Variants in DACH1 observed in about 807,000 individuals in gnomAD.
DACH1 encodes dachshund homolog 1.
DACH1 carries 12 observed loss-of-function variants against 54.2 expected under a neutral mutation model. The ratio of observed to expected loss-of-function variants is 0.22; its 90% CI spans 0.14 to 0.36. DACH1 has a LOEUF of 0.36. Among genes scored for constraint, DACH1 ranks in the 10% least tolerant of loss-of-function variants. The pLI, the probability that DACH1 is intolerant of heterozygous loss-of-function variation, is 1.00. For missense variants in DACH1, 805 were observed against 929.8 expected (o/e 0.87, Z 1.75); for synonymous variants, 386 against 366.2 (o/e 1.05, Z -0.62).
At chr13:71,526,896 T>G (rs146601664) in intron 6 of DACH1, among the ~76,000 whole-genome samples, 1 of 151,832 alleles carries the variant, frequency 6.6e-6, no homozygotes, top group Admixed American at 6.6e-5. Context: ...AGCTGTCTCC[T>G]TCAGTGTCAG....
intron 2 of DACH1, among the ~76,000 whole-genome samples, chr13:71,667,574 T>C (rs987206476): frequency 1.3e-5 from 2 of 152,200 alleles, no homozygotes; most frequent in African/African-American, 4.8e-5. Context: ...ATACATATAG[T>C]ATTTTATTAT....
At chr13:71,859,457 A>C (rs1407019808) in intron 1 of DACH1, among the ~76,000 whole-genome samples, 1 of 151,774 alleles carries the variant, frequency 6.6e-6, no homozygotes, top group Non-Finnish European at 1.5e-5. Context: ...CTATTCATTA[A>C]ATTAATTTTA....
At chr13:71,676,872 T>C (rs990581919) in intron 2 of DACH1, among the ~76,000 whole-genome samples, 22 of 152,196 alleles carry the variant, frequency 1.4e-4, no homozygotes, top group African/African-American at 4.8e-5. Context: ...GTATTAGTTA[T>C]ATGTCTACAA....
chr13:71,543,630 G>A (rs1249806606), intron 6 of DACH1, among the ~76,000 whole-genome samples: 1 of 151,964 alleles, frequency 6.6e-6, no homozygotes, highest in African/African-American at 2.4e-5. Flanking sequence ...AATCTTGTGA[G>A]GTAAGTAGAT....
chr13:71,662,519 A>G (rs1879574669), intron 2 of DACH1, among the ~76,000 whole-genome samples: 2 of 152,016 alleles, frequency 1.3e-5, no homozygotes, highest in Admixed American at 1.3e-4. Context: ...ATCAGTATTA[A>G]ATGAGCTAAT....
intron 2 of DACH1, among the ~76,000 whole-genome samples, chr13:71,651,080 T>C (rs1454059582): frequency 6.6e-6 from 1 of 152,144 alleles, no homozygotes; most frequent in African/African-American, 2.4e-5. Flanking sequence ...AAAATACAGT[T>C]TTGGTAATCA....
At chr13:71,843,636 A>G (rs1407966298) in intron 1 of DACH1, among the ~76,000 whole-genome samples, 2 of 152,146 alleles carry the variant, frequency 1.3e-5, no homozygotes, top group African/African-American at 4.8e-5. Flanking sequence ...ATAGTACTCT[A>G]TGTTCCAAAT....
chr13:71,543,274 A>G (rs1006293732), intron 6 of DACH1, among the ~76,000 whole-genome samples: 12 of 152,116 alleles, frequency 7.9e-5, no homozygotes, highest in Non-Finnish European at 1.6e-4. Context: ...TGGAGGATAC[A>G]CTGGAATCAG....
chr13:71,737,683 G>C (rs1884200323), intron 1 of DACH1, among the ~76,000 whole-genome samples: 1 of 152,158 alleles, frequency 6.6e-6, no homozygotes, highest in Admixed American at 6.5e-5. Context: ...TAAATGGAAA[G>C]TCTGTGGGCA....
At chr13:71,830,035 T>C (rs1023453044) in intron 1 of DACH1, among the ~76,000 whole-genome samples, 1 of 151,890 alleles carries the variant, frequency 6.6e-6, no homozygotes, top group African/African-American at 2.4e-5. Context: ...AAATGATCAA[T>C]GATATGTTTT....
intron 1 of DACH1, among the ~76,000 whole-genome samples, chr13:71,853,122 T>C (rs938490728): frequency 2.6e-5 from 4 of 152,208 alleles, no homozygotes; most frequent in African/African-American, 9.7e-5. Context: ...GAAAAATTAA[T>C]TAATTTCTGA....
At chr13:71,485,453 T>C (rs1018989460) in intron 7 of DACH1, among the ~76,000 whole-genome samples, 3 of 149,950 alleles carry the variant, frequency 2.0e-5, no homozygotes, top group African/African-American at 4.8e-5. Context: ...TTTTTATATA[T>C]ATAAATTTTA....
chr13:71,471,381 A>C (rs1877057068), intron 10 of DACH1, among the ~76,000 whole-genome samples: 2 of 152,102 alleles, frequency 1.3e-5, no homozygotes, highest in African/African-American at 4.8e-5. Flanking sequence ...GACCAAATAA[A>C]AAGTTGGATA....
chr13:71,626,613 A>C (rs887543202), intron 3 of DACH1, among the ~76,000 whole-genome samples: 1 of 152,024 alleles, frequency 6.6e-6, no homozygotes, highest in African/African-American at 2.4e-5. Context: ...AATGTAGCTC[A>C]TATCAGCCAA....
chr13:71,675,562 G>A, intron 2 of DACH1: 1 of 782,802 alleles, frequency 1.3e-6, no homozygotes, highest in Non-Finnish European at 2.0e-6. Flanking sequence ...CTGAACGTTA[G>A]ATATTTTTTT....
chr13:71,786,521 A>G (rs922830303), intron 1 of DACH1, among the ~76,000 whole-genome samples: 1 of 152,162 alleles, frequency 6.6e-6, no homozygotes, highest in Non-Finnish European at 1.5e-5. Context: ...TAATAATAGA[A>G]AGTAAAAAGG....
At chr13:71,801,439 C>T (rs1035908797) in intron 1 of DACH1, among the ~76,000 whole-genome samples, 2 of 152,032 alleles carry the variant, frequency 1.3e-5, no homozygotes, top group African/African-American at 4.8e-5. Context: ...TATACCTCTG[C>T]TCAAAAGAAC....
intron 7 of DACH1, among the ~76,000 whole-genome samples, chr13:71,479,788 G>A (rs1593759768): frequency 6.6e-6 from 1 of 152,238 alleles, no homozygotes; most frequent in East Asian, 1.9e-4. Context: ...TAGCCACAAT[G>A]GTCTCCTTTT....
intron 1 of DACH1, among the ~76,000 whole-genome samples, chr13:71,748,180 A>G (rs1186269749): frequency 6.6e-6 from 1 of 152,190 alleles, no homozygotes; most frequent in African/African-American, 2.4e-5. Flanking sequence ...ATCTGAAAAA[A>G]AAAAAAGGAG....
Sources: gnomAD v4.1 joint callset for allele counts (sites outside exome capture counted in the v4.1 genomes callset) on GRCh38, gnomAD v4.1.1 for gene constraint, MANE v1.5 for transcripts, NCBI Gene and HGNC (gene_info 2026-07-23, HGNC 2026-07-21) for gene names.